Variants in MCPH1 observed in about 807,000 individuals in gnomAD.
MCPH1 encodes the protein microcephalin 1, also known as microcephalin.
In MCPH1, 104 loss-of-function variants were observed where a neutral mutation model predicts 84.5. That is an observed-to-expected ratio of 1.23 (90% confidence interval 1.05 to 1.45). The LOEUF (loss-of-function observed/expected upper bound fraction) is 1.45, where lower values mean the gene tolerates loss of function less well. Among genes scored for constraint, MCPH1 ranks in the 40% most tolerant of loss-of-function variants. MCPH1 has a pLI of 0.00. For missense variants in MCPH1, 1,498 were observed against 1,005.7 expected, an observed-to-expected ratio of 1.49 and a Z score of -6.62; for synonymous variants, 514 against 366.8, an observed-to-expected ratio of 1.40 and a Z score of -4.58.
At chr8:6,556,453 C>T (rs1036247526) in intron 12 of MCPH1, among the ~76,000 whole-genome samples, 10 of 152,090 alleles carry the variant, frequency 6.6e-5, no homozygotes, top group Admixed American at 5.2e-4. Context: ...ACATCATCCC[C>T]ACCCCACAGT....
At chr8:6,631,181 G>A (rs368210031) in intron 13 of MCPH1, among the ~76,000 whole-genome samples, 9 of 152,202 alleles carry the variant, frequency 5.9e-5, no homozygotes, top group East Asian at 1.9e-4. Context: ...GAGCAGACCA[G>A]ACATGATCTG....
chr8:6,494,166 T>C (rs549056691), intron 11 of MCPH1: 1 of 152,244 alleles, frequency 6.6e-6, no homozygotes, highest in East Asian at 1.9e-4. Context: ...CTCAAACTCC[T>C]GACCTCAAGT....
chr8:6,506,681 A>G (rs543337301), intron 12 of MCPH1, among the ~76,000 whole-genome samples: 10 of 152,224 alleles, frequency 6.6e-5, no homozygotes, highest in South Asian at 4.1e-4. Flanking sequence ...TGCAAAATCA[A>G]TAGGAGGGCT....
intron 12 of MCPH1, among the ~76,000 whole-genome samples, chr8:6,539,647 CGTG>C (rs1821172143): frequency 1.3e-5 from 2 of 152,114 alleles, no homozygotes; most frequent in Non-Finnish European, 2.9e-5. Context: ...AGTGCAGCGG[CGTG>C]ATCTTGGCTC....
At chr8:6,560,357 C>G (rs1015046749) in intron 12 of MCPH1, among the ~76,000 whole-genome samples, 2 of 152,166 alleles carry the variant, frequency 1.3e-5, no homozygotes, top group African/African-American at 4.8e-5. Flanking sequence ...GCTTATCTCT[C>G]ATTCCATTTT....
chr8:6,601,614 C>G (rs1208150381), intron 12 of MCPH1, among the ~76,000 whole-genome samples: 4 of 148,352 alleles, frequency 2.7e-5, no homozygotes, highest in African/African-American at 1.0e-4. Context: ...ACCATACACA[C>G]CACCCACCCA....
At chr8:6,446,387 C>T (rs1804374937) in intron 8 of MCPH1, 2 of 985,108 alleles carry the variant, frequency 2.0e-6, no homozygotes, top group African/African-American at 1.7e-5. Flanking sequence ...TTAACTGCCT[C>T]TTTGAAGGTG....
chr8:6,424,144 G>T (rs1041702996), intron 3 of MCPH1, among the ~76,000 whole-genome samples: 6 of 152,152 alleles, frequency 3.9e-5, no homozygotes, highest in African/African-American at 1.4e-4. Context: ...TTTAAGATCA[G>T]ATGGCAATTG....
chr8:6,496,303 C>G lies in MCPH1; in HGVS notation c.2137-3549C>G, dbSNP rs191515057. Among the ~76,000 whole-genome samples, 3 of 152,254 alleles carry G rather than the reference C, an allele frequency of 2.0e-5. No homozygotes were observed. The East Asian group carries it at 5.8e-4, about 29-fold the overall frequency. On this transcript the variant is annotated intron_variant, in intron 11 of 13. Transcript: ENST00000344683. Reference sequence around the variant, plus strand: ...ATTCTATGAGAATGTAATGCCACTGCTGATCTGACAGGAGGTGGAGCTCAG... The same window carrying G: ...ATTCTATGAGAATGTAATGCCACTGGTGATCTGACAGGAGGTGGAGCTCAG...
Position 6,644,482 on chromosome 8 carries a change from T to C in MCPH1, c.*1433T>C, listed in dbSNP as rs1412317626. On this transcript the variant is annotated 3_prime_UTR_variant, in exon 14 of 14. Transcript: ENST00000344683. ...CCAAAAGGCTCCTGGAACCGATAAA[T>C]GACTTAAGTAAAGTTTCAGGATAGT... 1 of 152,130 alleles carries C rather than the reference T, an allele frequency of 6.6e-6. No individual in the cohort carries two copies. Among genetic ancestry groups the C allele is most frequent in the East Asian group, 1.9e-4 (1 of 5,190 alleles). The allele number at this position is 152,130 out of a possible 1,614,324, so 9.4% of individuals were successfully genotyped here. A position where few individuals can be genotyped will look rare whatever the true frequency, so the allele number is the denominator to read the frequency against.
intron 12 of MCPH1, chr8:6,521,410 A>G (rs756311077): frequency 6.2e-7 from 1 of 1,602,990 alleles, no homozygotes; most frequent in Non-Finnish European, 8.5e-7. Flanking sequence ...TTTCTAGGAA[A>G]CTTGTAAGGA....
rs1174600104 is a variant in MCPH1 at position 6,645,965 on chromosome 8, T to C, written c.*2916T>C. ...TCCTCAAATTGACGTATAGATTCAA[T>C]GCAATCCATTAAAATCTCAGATGGC... is the stretch of plus-strand genomic sequence containing the variant. On this transcript the variant is annotated 3_prime_UTR_variant, in exon 14 of 14. Transcript: ENST00000344683. 6.6e-6 allele frequency: 1 copy of C among 152,244 alleles called. No homozygotes were observed. The highest frequency in any genetic ancestry group is 6.5e-5 in the Admixed American group (1 of 15,286). 9.4% of individuals were successfully genotyped at this position (152,244 alleles called of 1,614,324 possible).
At chr8:6,599,993 C>A (rs1051483020) in intron 12 of MCPH1, among the ~76,000 whole-genome samples, 2 of 152,336 alleles carry the variant, frequency 1.3e-5, no homozygotes, top group East Asian at 3.9e-4. Context: ...CTGTGGTTTT[C>A]TTTCTCTATG....
Position 6,621,707 on chromosome 8 carries a change from C to T in MCPH1, c.2452+16C>T. 1 of 1,614,022 alleles carries T rather than the reference C, an allele frequency of 6.2e-7. No homozygotes were observed. Among genetic ancestry groups the T allele is most frequent in the Non-Finnish European group, 8.5e-7 (1 of 1,180,028 alleles). ...TGGGTCTTAGGTAAGAATCCAGGCACACAGACGCTGTGGTGTGGTCCAGAT... is the reference window on the plus strand; with the variant it reads ...TGGGTCTTAGGTAAGAATCCAGGCATACAGACGCTGTGGTGTGGTCCAGAT... On this transcript the variant is annotated intron_variant, in intron 13 of 13. Coordinates refer to ENST00000344683, the MANE Select transcript of MCPH1 (RefSeq NM_024596.5).
chr8:6,548,442 C>G (rs1050071713), intron 12 of MCPH1, among the ~76,000 whole-genome samples: 1 of 152,118 alleles, frequency 6.6e-6, no homozygotes, highest in Non-Finnish European at 1.5e-5. Context: ...AACCATTATC[C>G]CCAGTGGTCG....
chr8:6,412,441 A>C (rs1798668246), intron 2 of MCPH1, among the ~76,000 whole-genome samples: 2 of 152,252 alleles, frequency 1.3e-5, no homozygotes, highest in Non-Finnish European at 1.5e-5. Context: ...ACAGATCAAT[A>C]GTCGTTAACA....
At chr8:6,477,045 A>T (rs1292209757) in intron 9 of MCPH1, among the ~76,000 whole-genome samples, 1 of 113,176 alleles carries the variant, frequency 8.8e-6, no homozygotes, top group African/African-American at 3.4e-5. Flanking sequence ...GCAAAAAAAA[A>T]ATTAAACATT....
intron 3 of MCPH1, among the ~76,000 whole-genome samples, chr8:6,416,295 CATGTCATGTCATG>C (rs1799290096): frequency 6.6e-6 from 1 of 151,594 alleles, no homozygotes; most frequent in East Asian, 1.9e-4. Context: ...CATGTCATGT[CATGTCATGTCATG>C]TCATGTTATT....
At chr8:6,607,992 A>G (rs571278669) in intron 12 of MCPH1, among the ~76,000 whole-genome samples, 2 of 152,298 alleles carry the variant, frequency 1.3e-5, no homozygotes, top group South Asian at 4.1e-4. Context: ...CAGACCAACC[A>G]TTTGGAATAG....
Sources: allele counts gnomAD v4.1 joint callset (sites outside exome capture counted in the v4.1 genomes callset), GRCh38; gene constraint gnomAD v4.1.1; transcripts MANE v1.5; gene names NCBI Gene and HGNC (gene_info 2026-07-23, HGNC 2026-07-21).